The following TCF20 variants were observed in gnomAD, a reference collection of about 807,000 sequenced individuals.
The protein encoded by TCF20 is SPRE-binding protein.
TCF20 carries 3 observed loss-of-function variants against 148.6 expected under a neutral mutation model. That is an observed-to-expected ratio of 0.02 (90% CI 0.01 to 0.05). The LOEUF (loss-of-function observed/expected upper bound fraction) is 0.05. Among genes scored for constraint, TCF20 ranks in the 10% least tolerant of loss-of-function variants. TCF20 has a pLI of 1.00. For missense variants in TCF20, 2,350 were observed against 2,429.3 expected (o/e 0.97, Z 0.69); for synonymous variants, 1,049 against 909.5 (o/e 1.15, Z -2.76).
Position 42,214,201 on chromosome 22 carries a change from T to G in TCF20, c.1105A>C (p.Asn369His), listed in dbSNP as rs777286706. 1 of 1,614,040 alleles carries G rather than the reference T, an allele frequency of 6.2e-7. No individual in the cohort carries two copies. The highest frequency in any genetic ancestry group is 8.5e-7 in the Non-Finnish European group (1 of 1,180,030). ...ACCACAGAGGCAGCTGGAGAAGGGT[T>G]AGAAATGGGGCTGAAGTTCTGGTGA... The part of the protein sequence containing the change: ...QFHQNFSPIS[N>H]PSPAASVVQS... Residue 369 changes from asparagine (N) to histidine (H), a missense_variant, in exon 2 of 6, where the codon AAC (asparagine) becomes CAC (histidine). Physicochemically the swap from Asn to His is moderately conservative, Grantham distance 68. Transcript: ENST00000677622.
At chr22:42,199,111 CAGGATTGCG>C (rs953906435) in intron 2 of TCF20, among the ~76,000 whole-genome samples, 2 of 152,160 alleles carry the variant, frequency 1.3e-5, no homozygotes, top group Non-Finnish European at 2.9e-5. Flanking sequence ...GTTGGGTTAT[CAGGATTGCG>C]GCATTCTTCT....
At position 42,164,212 on chromosome 22, in the gene TCF20, C is replaced by CT. The variant is rs56079117; in HGVS notation, c.*45-2855dup. The stretch of plus-strand genomic sequence containing the variant: ...TTCCCTGGGATGCACTCATTTCTTT[C>CT]TTTTTTTTTTTTTTTTTTTTGAGAT... On this transcript the variant is annotated intron_variant, in intron 5 of 5. Coordinates refer to ENST00000677622, the MANE Select transcript of TCF20 (RefSeq NM_001378418.1). Among the ~76,000 whole-genome samples the CT allele has an allele frequency of 4.7e-3, 392 of 83,494 alleles. 4 individuals carry two copies. Among genetic ancestry groups the CT allele is most frequent in the Non-Finnish European group, 5.2e-3 (224 of 42,804 alleles). 54.8% of individuals were successfully genotyped at this position (83,494 alleles called of 152,430 possible). A position where few individuals can be genotyped will look rare whatever the true frequency, so the allele number is the denominator to read the frequency against.
intron 1 of TCF20, among the ~76,000 whole-genome samples, chr22:42,328,339 G>C (rs1322830706): frequency 1.3e-5 from 2 of 152,234 alleles, no homozygotes; most frequent in Non-Finnish European, 2.9e-5. Flanking sequence ...CCTGAGGCAA[G>C]ACGGGATGGG....
upstream of TCF20, among the ~76,000 whole-genome samples, chr22:42,284,569 G>C (rs1219117141): frequency 1.3e-5 from 2 of 152,248 alleles, no homozygotes; most frequent in African/African-American, 2.4e-5. Flanking sequence ...TGAAGGGCTA[G>C]CTGGGCAGCT....
rs773616807 is a variant in TCF20 at position 42,317,105 on chromosome 22, C to T, written c.-37+26374G>A. 1.1e-4 allele frequency among the ~76,000 whole-genome samples: 16 copies of T among 152,212 alleles called. No homozygotes were observed. The highest frequency in any genetic ancestry group is 1.9e-4 in the East Asian group (1 of 5,202). On this transcript the variant is annotated intron_variant, in intron 1 of 1. Transcript: ENST00000515426. The surrounding 1 kb of genome is among the most constrained non-coding windows in gnomAD (Gnocchi z 4.2). ...CCCAAAGAGCACTGGCAACACTATC[C>T]GTCTGCCTCCCCTGCAGACTGAGCG...
intron 1 of TCF20, among the ~76,000 whole-genome samples, chr22:42,342,022 A>G (rs564989665): frequency 6.6e-6 from 1 of 152,206 alleles, no homozygotes; most frequent in South Asian, 2.1e-4. Flanking sequence ...GGGAAGACCC[A>G]GTGCTTAGGG....
chr22:42,264,468 G>C (rs1926182248), intron 1 of TCF20, among the ~76,000 whole-genome samples: 1 of 152,084 alleles, frequency 6.6e-6, no homozygotes. Context: ...GCTCTTTTGA[G>C]CCAGGTCCCT....
chr22:42,209,575 T>C, intron 2 of TCF20, 76 bp downstream of exon 2: 3 of 1,488,280 alleles, frequency 2.0e-6, no homozygotes, highest in South Asian at 1.4e-5. Flanking sequence ...ATGTGACATG[T>C]AAGAACAAAA....
intron 1 of TCF20, among the ~76,000 whole-genome samples, chr22:42,303,372 G>T (rs567085458): frequency 6.6e-6 from 1 of 152,380 alleles, no homozygotes; most frequent in Admixed American, 6.5e-5. Flanking sequence ...TCCGGCTCAG[G>T]CCCTTGCCCC....
At chr22:42,283,656 G>T (rs1926961664) in intron 1 of TCF20, among the ~76,000 whole-genome samples, 1 of 152,032 alleles carries the variant, frequency 6.6e-6, no homozygotes, top group African/African-American at 2.4e-5. Context: ...AGGCAGTAAA[G>T]GCCGCCCGGG....
chr22:42,189,061 G>A (rs1200957996), intron 2 of TCF20, among the ~76,000 whole-genome samples: 2 of 152,162 alleles, frequency 1.3e-5, no homozygotes, highest in African/African-American at 2.4e-5. Flanking sequence ...GCAGGGTGTA[G>A]GGAACCAACA....
At chr22:42,254,137 G>T (rs1224888736) in intron 1 of TCF20, among the ~76,000 whole-genome samples, 1 of 151,006 alleles carries the variant, frequency 6.6e-6, no homozygotes, top group Non-Finnish European at 1.5e-5. Context: ...TTTGAGAGCT[G>T]GCAGCGAAAT....
intron 1 of TCF20, among the ~76,000 whole-genome samples, chr22:42,259,922 C>T (rs1925939704): frequency 6.6e-6 from 1 of 152,044 alleles, no homozygotes; most frequent in African/African-American, 2.4e-5. Context: ...CAAGACCAGC[C>T]TGGGCAAAGT....
chr22:42,213,036 A>G lies in TCF20; in HGVS notation c.2270T>C (p.Leu757Pro). 1 of 1,614,110 alleles carries G rather than the reference A, an allele frequency of 6.2e-7. No individual in the cohort carries two copies. Among genetic ancestry groups the G allele is most frequent in the African/African-American group, 1.3e-5 (1 of 75,028 alleles). Reference protein sequence around the residue: ...EKFPSLLQEVLQGYHHHPDRR... With the variant: ...EKFPSLLQEVPQGYHHHPDRR... ...GTCAGGGTGGTGGTGGTAACCCTGA[A>G]GCACTTCCTGCAGGAGGCTTGGGAA... The change falls in exon 2 of 6, where the codon CTT (leucine) becomes CCT (proline). Residue 757 changes from leucine to proline, a missense_variant. Leu to Pro is a moderately conservative substitution (Grantham distance 98). Around this residue, in one of 7 missense-constraint regions of TCF20, gnomAD observed 1,641 missense variants for 1,662.6 expected, o/e 0.99. Coordinates refer to ENST00000677622, the MANE Select transcript of TCF20 (RefSeq NM_001378418.1).
chr22:42,324,869 C>T (rs73433571), intron 1 of TCF20, among the ~76,000 whole-genome samples: 3,944 of 152,302 alleles, frequency 0.026, 151 homozygotes, highest in African/African-American at 0.085. Context: ...GACCCAGAGG[C>T]CCTGAGGGAA....
chr22:42,168,729 A>G lies in TCF20; in HGVS notation c.5807T>C (p.Leu1936Pro). ...CTGCAAGGGGGGGAGAGGGCACGGA[A>G]GGGGAGGCTGACACGGGCAAAACCA... ...SVRCPKHKPPLPCPLPPLQNK... is the reference protein window; with the variant it reads ...SVRCPKHKPPPPCPLPPLQNK... The change falls in exon 5 of 6, where the codon CTT (leucine) becomes CCT (proline). Residue 1936 changes from leucine (L) to proline (P), a missense_variant. By Grantham distance (98) the Leu-to-Pro change is moderately conservative. Coordinates refer to ENST00000677622, the MANE Select transcript of TCF20 (RefSeq NM_001378418.1). 1.2e-6 allele frequency: 2 copies of G among 1,609,528 alleles called. No homozygotes were observed. Among genetic ancestry groups the G allele is most frequent in the Non-Finnish European group, 1.7e-6 (2 of 1,178,214 alleles).
intron 1 of TCF20, among the ~76,000 whole-genome samples, chr22:42,260,184 A>C (rs1048174174): frequency 2.0e-5 from 3 of 152,140 alleles, no homozygotes; most frequent in Admixed American, 6.5e-5. Flanking sequence ...GCCAAGTGTA[A>C]AGGTCCTAAG....
intron 1 of TCF20, among the ~76,000 whole-genome samples, chr22:42,224,694 AAAATTGATTAAAC>A: frequency 6.6e-6 from 1 of 152,292 alleles, no homozygotes; most frequent in East Asian, 1.9e-4. Flanking sequence ...AACCTATTTG[AAAATTGATTAAAC>A]AAATTATGGT....
chr22:42,269,580 C>T lies in TCF20; in HGVS notation c.-37+759G>A, dbSNP rs186633233. Among the ~76,000 whole-genome samples, 441 of 152,346 alleles carry T rather than the reference C, an allele frequency of 2.9e-3. 3 individuals carry two copies. The highest frequency in any genetic ancestry group is 9.9e-3 in the African/African-American group (412 of 41,590). ...CCACGCTCCTTCAAACCACCACTTTCCCCCGAAAAAGGGACGAAAGCCTCA... is the reference window on the plus strand; with the variant it reads ...CCACGCTCCTTCAAACCACCACTTTTCCCCGAAAAAGGGACGAAAGCCTCA... On this transcript the variant is annotated intron_variant, in intron 1 of 5. Transcript: ENST00000677622.
Sources: gnomAD v4.1 joint callset for allele counts (sites outside exome capture counted in the v4.1 genomes callset) on GRCh38, gnomAD v4.1.1 for gene constraint, gnomAD v4.1.1 regional missense constraint, Gnocchi (gnomAD v3.1) non-coding constraint, MANE v1.5 for transcripts, NCBI Gene and HGNC (gene_info 2026-07-23, HGNC 2026-07-21) for gene names.